SMG5: variants seen among roughly 807,000 people sequenced by gnomAD.
SMG5 encodes SMG5 nonsense mediated mRNA decay factor.
A neutral mutation model predicts 122.9 loss-of-function variants in SMG5; 53 were observed. The observed-to-expected ratio is 0.43, with a 90% CI of 0.35 to 0.54. The LOEUF is 0.54. Among genes scored for constraint, SMG5 ranks in the 20% least tolerant of loss-of-function variants. The pLI is 0.01. For synonymous variants in SMG5, 477 were observed against 490.2 expected, an observed-to-expected ratio of 0.97 and a Z score of 0.35; for missense variants, 1,153 against 1,285.6, an observed-to-expected ratio of 0.90 and a Z score of 1.58.
At chr1:156,272,229 G>C (rs986930975) in intron 7 of SMG5, 91 bp downstream of exon 7, 5 of 1,178,676 alleles carry the variant, frequency 4.2e-6, no homozygotes, top group Admixed American at 2.0e-5. Flanking sequence ...CTCAGCCACA[G>C]CTAGAGGAAG....
intron 16 of SMG5, 29 bp downstream of exon 16, chr1:156,258,976 G>A: frequency 6.2e-7 from 1 of 1,612,748 alleles, no homozygotes; most frequent in Non-Finnish European, 8.5e-7. Context: ...TGGGAGCAGA[G>A]CTGACGGGGA....
At chr1:156,278,180 C>A in intron 2 of SMG5, 132 bp from the exon 3 acceptor site, 1 of 1,136,046 alleles carries the variant, frequency 8.8e-7, no homozygotes, top group South Asian at 1.6e-5. Context: ...CATGCAGGGT[C>A]AATATGACCC....
intron 15 of SMG5, 85 bp downstream of exon 15, chr1:156,260,366 G>GC: frequency 2.0e-6 from 3 of 1,478,392 alleles, no homozygotes; most frequent in Admixed American, 2.2e-5. Flanking sequence ...AGGGCATCCT[G>GC]CCCCCTCCCT....
chr1:156,289,329 C>G, the SMG5 span, among the ~76,000 whole-genome samples: 4 of 151,944 alleles, frequency 2.6e-5, no homozygotes, highest in South Asian at 8.3e-4. Context: ...AAAAAATTAG[C>G]CGGGTGTGGT....
intron 5 of SMG5, 113 bp downstream of exon 5, chr1:156,274,484 G>C: frequency 1.1e-6 from 1 of 934,122 alleles, no homozygotes; most frequent in South Asian, 1.3e-5. Context: ...GTTATCAGAA[G>C]CCAAACTATC....
Position 156,249,519 on chromosome 1 carries a change from C to A in SMG5, c.*1068G>T. On this transcript the variant is annotated 3_prime_UTR_variant, in exon 22 of 22. Coordinates refer to ENST00000361813, the MANE Select transcript of SMG5 (RefSeq NM_015327.3). ...CCCACACACAGCCCTGCTCTTGGTG[C>A]GCCATTCACTGCCCTGAGCTATTCA... 1 of 357,634 alleles carries A rather than the reference C, an allele frequency of 2.8e-6. No homozygotes were observed. Among genetic ancestry groups the A allele is most frequent in the South Asian group, 2.1e-5 (1 of 47,572 alleles). The allele number at this position is 357,634 out of a possible 1,614,324, so 22.2% of individuals were successfully genotyped here.
intron 10 of SMG5, 149 bp from the exon 11 acceptor site, chr1:156,266,827 G>C: frequency 9.4e-7 from 1 of 1,068,510 alleles, no homozygotes; most frequent in South Asian, 1.8e-5. Context: ...TAACTTTTTA[G>C]AGACAAGAGT....
intron 16 of SMG5, among the ~76,000 whole-genome samples, chr1:156,254,796 A>C (rs1012915247): frequency 1.3e-5 from 2 of 152,106 alleles, no homozygotes; most frequent in African/African-American, 4.8e-5. Context: ...GGTGCTTTAA[A>C]ATATTAATCT....
At chr1:156,282,875 G>A (rs891875225), upstream of SMG5, 8 of 583,350 alleles carry the variant, frequency 1.4e-5, no homozygotes, top group Non-Finnish European at 2.4e-5. Flanking sequence ...CACAGTTGCG[G>A]ACCAGTGGCC....
intron 7 of SMG5, among the ~76,000 whole-genome samples, chr1:156,270,838 T>C (rs189681508): frequency 6.6e-6 from 1 of 151,854 alleles, no homozygotes; most frequent in Non-Finnish European, 1.5e-5. Context: ...AGAAACCCGG[T>C]CTCTACTAAA....
chr1:156,274,766 T>A, intron 4 of SMG5, 80 bp from the exon 5 acceptor site: 1 of 1,171,312 alleles, frequency 8.5e-7, no homozygotes, highest in Non-Finnish European at 1.3e-6. Context: ...CTCCGAGATG[T>A]AGAGACTAAG....
At chr1:156,272,222 A>C in intron 7 of SMG5, 98 bp downstream of exon 7, 2 of 1,092,400 alleles carry the variant, frequency 1.8e-6, no homozygotes, top group Non-Finnish European at 2.7e-6. Flanking sequence ...CCCCTATCTC[A>C]GCCACAGCTA....
chr1:156,279,060 C>A, intron 1 of SMG5, 26 bp from the exon 2 acceptor site: 1 of 1,592,458 alleles, frequency 6.3e-7, no homozygotes, highest in South Asian at 1.1e-5. Context: ...GGCAAATATC[C>A]CCTCAGCCAT....
rs1160956769 is a variant in SMG5 at position 156,253,498 on chromosome 1, T to G, written c.2453A>C (p.Glu818Ala). 1 of 1,614,028 alleles carries G rather than the reference T, an allele frequency of 6.2e-7. No homozygotes were observed. Among genetic ancestry groups the G allele is most frequent in the South Asian group, 1.1e-5 (1 of 91,070 alleles). The change falls in exon 17 of 22, where the codon GAA (glutamate) becomes GCA (alanine). Residue 818 changes from glutamate (E) to alanine (A), a missense_variant. By Grantham distance (107) the Glu-to-Ala change is moderately radical. Around this residue, in one of 5 missense-constraint regions of SMG5, gnomAD observed 140 missense variants for 227.8 expected, o/e 0.61. Transcript: ENST00000361813. ...TCTCATGAGCCTGTTCCGACGAGCTTCCTCCTGTGCCTATGAGGGAAAAAA... is the reference window on the plus strand; with the variant it reads ...TCTCATGAGCCTGTTCCGACGAGCTGCCTCCTGTGCCTATGAGGGAAAAAA... Reference protein sequence around the residue: ...AQAQFRMAQEEARRNRLMRDM... With the variant: ...AQAQFRMAQEAARRNRLMRDM...
chr1:156,253,317 C>T lies in SMG5; in HGVS notation c.2502+132G>A, dbSNP rs1036414124. The T allele has an allele frequency of 8.0e-6, 8 of 1,001,420 alleles. No individual in the cohort carries two copies. The African/African-American group carries it at 9.5e-5, about 12-fold the overall frequency. The allele number at this position is 1,001,420 out of a possible 1,614,324, so 62.0% of individuals were successfully genotyped here. A position where few individuals can be genotyped will look rare whatever the true frequency, so the allele number is the denominator to read the frequency against. ...GTGAAGAGTGAGTAGTAAGGAGGGT[C>T]ATCTGGGAGAGGCGGAGGGACACAG... On this transcript the variant is annotated intron_variant, in intron 17 of 21. Transcript: ENST00000361813.
rs750981357 is a variant in SMG5 at position 156,252,512 on chromosome 1, G to A, written c.2663-8C>T. The A allele has an allele frequency of 1.9e-6, 3 of 1,613,856 alleles. No individual in the cohort carries two copies. The Admixed American group carries it at 5.0e-5, about 27-fold the overall frequency. On this transcript the variant is annotated splice_region_variant and splice_polypyrimidine_tract_variant and intron_variant, in intron 18 of 21. Transcript: ENST00000361813. The stretch of plus-strand genomic sequence containing the variant: ...AATCCAGGCCATCGATCACTGGTGG[G>A]CAAGGTAGGGAAAGACAAAACAGAT...
intron 15 of SMG5, 42 bp from the exon 16 acceptor site, chr1:156,259,205 C>CGATCCGTG: frequency 6.6e-7 from 1 of 1,512,714 alleles, no homozygotes; most frequent in Admixed American, 2.2e-5. Flanking sequence ...GAGCAGGGCC[C>CGATCCGTG]TCTAGACCCA....
chr1:156,278,206 TA>T (rs1662771489), intron 2 of SMG5, among the ~76,000 whole-genome samples, 158 bp from the exon 3 acceptor site: 1 of 151,896 alleles, frequency 6.6e-6, no homozygotes, highest in South Asian at 2.1e-4. Flanking sequence ...AACAGCAGCC[TA>T]GGAAGGCAGT....
the SMG5 span, among the ~76,000 whole-genome samples, chr1:156,289,806 G>T: frequency 6.6e-6 from 1 of 152,158 alleles, no homozygotes; most frequent in Non-Finnish European, 1.5e-5. Context: ...AGAGGAAGTT[G>T]CTCTCCCCTC....
Sources: allele counts gnomAD v4.1 joint callset (sites outside exome capture counted in the v4.1 genomes callset), GRCh38; gene constraint gnomAD v4.1.1; regional missense constraint gnomAD v4.1.1; transcripts MANE v1.5; gene names NCBI Gene and HGNC (gene_info 2026-07-23, HGNC 2026-07-21).